The following C10orf143 variants were observed in gnomAD, a reference collection of about 807,000 sequenced individuals.
C10orf143 encodes the protein uncharacterized protein C10orf143.
intron 1 of C10orf143, chr10:130,108,151 T>G: frequency 6.4e-7 from 1 of 1,569,988 alleles, no homozygotes; most frequent in Non-Finnish European, 8.8e-7. Context: ...GTCCACTGTT[T>G]CCAGTGGATA....
chr10:130,106,451 A>C, intron 1 of C10orf143: 1 of 1,602,688 alleles, frequency 6.2e-7, no homozygotes, highest in Non-Finnish European at 8.5e-7. Context: ...AAAGTTGAAC[A>C]GGTCCAATTC....
chr10:130,073,818 C>G (rs1861071133), intron 3 of C10orf143, among the ~76,000 whole-genome samples: 1 of 152,134 alleles, frequency 6.6e-6, no homozygotes, highest in African/African-American at 2.4e-5. Flanking sequence ...GGTAGTTTTT[C>G]AATATCCATA....
chr10:130,055,195 G>T (rs1373863027), intron 3 of C10orf143, among the ~76,000 whole-genome samples: 1 of 152,112 alleles, frequency 6.6e-6, no homozygotes, highest in Non-Finnish European at 1.5e-5. Flanking sequence ...TCATGACATT[G>T]GAATTGATTT....
At chr10:130,035,733 T>A (rs1423718146) in intron 4 of C10orf143, 2 of 152,418 alleles carry the variant, frequency 1.3e-5, no homozygotes, top group East Asian at 3.9e-4. Context: ...ACATCATGTG[T>A]TCACTGCATC....
chr10:130,044,416 C>T (rs1472783894), intron 3 of C10orf143, among the ~76,000 whole-genome samples: 1 of 152,200 alleles, frequency 6.6e-6, no homozygotes, highest in South Asian at 2.1e-4. Context: ...TCCCTTCACT[C>T]CCAGGCTTGC....
chr10:130,038,321 G>A (rs1860568092), intron 3 of C10orf143, among the ~76,000 whole-genome samples: 6 of 152,150 alleles, frequency 3.9e-5, no homozygotes, highest in East Asian at 1.9e-4. Context: ...GTTGTTTACC[G>A]GGAGAGAAAT....
At chr10:130,045,806 A>G (rs1427294018) in intron 3 of C10orf143, among the ~76,000 whole-genome samples, 2 of 152,200 alleles carry the variant, frequency 1.3e-5, no homozygotes, top group African/African-American at 4.8e-5. Flanking sequence ...AGGAGCAGTC[A>G]GGTCCGTGTC....
intron 1 of C10orf143, among the ~76,000 whole-genome samples, chr10:130,082,010 G>A (rs1383945415): frequency 6.6e-6 from 1 of 151,412 alleles, no homozygotes; most frequent in Non-Finnish European, 1.5e-5. Flanking sequence ...AACAACTCCT[G>A]GACACGAAAA....
intron 3 of C10orf143, among the ~76,000 whole-genome samples, chr10:130,047,890 C>T (rs1241241018): frequency 6.6e-6 from 1 of 152,196 alleles, no homozygotes; most frequent in Non-Finnish European, 1.5e-5. Context: ...GGTGGCTTCC[C>T]CTAAAGCACA....
At chr10:130,103,494 A>C (rs112797435) in intron 1 of C10orf143, among the ~76,000 whole-genome samples, 5,721 of 152,118 alleles carry the variant, frequency 0.038, 292 homozygotes, top group African/African-American at 0.11. Context: ...TGCCTCAATA[A>C]GTAAATAAAT....
At chr10:130,080,144 T>C (rs1294922580) in intron 1 of C10orf143, among the ~76,000 whole-genome samples, 1 of 152,242 alleles carries the variant, frequency 6.6e-6, no homozygotes, top group Non-Finnish European at 1.5e-5. Context: ...AAAACAGTCA[T>C]TTCAAATAAT....
intron 1 of C10orf143, among the ~76,000 whole-genome samples, chr10:130,088,067 C>T (rs1433254315): frequency 1.3e-5 from 2 of 152,198 alleles, no homozygotes; most frequent in Non-Finnish European, 2.9e-5. Flanking sequence ...ATGAGTTAAG[C>T]AAATATACAG....
At chr10:130,081,614 T>A (rs186392505) in intron 1 of C10orf143, among the ~76,000 whole-genome samples, 1 of 151,956 alleles carries the variant, frequency 6.6e-6, no homozygotes, top group Admixed American at 6.6e-5. Context: ...GCCAATACTT[T>A]CTGATTATAA....
intron 3 of C10orf143, among the ~76,000 whole-genome samples, chr10:130,044,364 T>G (rs915838855): frequency 2.6e-5 from 4 of 152,146 alleles, no homozygotes; most frequent in Non-Finnish European, 5.9e-5. Flanking sequence ...AGGTCTTGGC[T>G]GCACCCCATG....
intron 1 of C10orf143, among the ~76,000 whole-genome samples, chr10:130,080,242 A>G (rs896045475): frequency 6.6e-6 from 1 of 152,220 alleles, no homozygotes; most frequent in Non-Finnish European, 1.5e-5. Flanking sequence ...TCAAGAAACT[A>G]GTTATATGCT....
At chr10:130,035,604 G>A (rs1016592053) in intron 4 of C10orf143, among the ~76,000 whole-genome samples, 1 of 152,162 alleles carries the variant, frequency 6.6e-6, no homozygotes. Flanking sequence ...CTTACTCGGT[G>A]CCCTCACATG....
intron 3 of C10orf143, among the ~76,000 whole-genome samples, chr10:130,041,863 ACT>A (rs1191972756): frequency 2.0e-5 from 3 of 151,874 alleles, no homozygotes; most frequent in African/African-American, 4.8e-5. Context: ...CCATGTGCAT[ACT>A]CTCACATGAA....
intron 3 of C10orf143, among the ~76,000 whole-genome samples, chr10:130,049,694 G>A (rs1387260267): frequency 6.6e-6 from 1 of 152,186 alleles, no homozygotes. Context: ...TGTTGTCGCT[G>A]CTACCAGTGA....
chr10:130,059,408 A>G (rs529456174), downstream of C10orf143, among the ~76,000 whole-genome samples: 1 of 152,330 alleles, frequency 6.6e-6, no homozygotes, highest in Non-Finnish European at 1.5e-5. Context: ...CTTAATATAT[A>G]AAGAACTCTT....
Sources: allele counts gnomAD v4.1 joint callset (sites outside exome capture counted in the v4.1 genomes callset), GRCh38; gene constraint gnomAD v4.1.1; transcripts MANE v1.5; gene names NCBI Gene and HGNC (gene_info 2026-07-23, HGNC 2026-07-21).